SIRT3: variants seen among roughly 807,000 people sequenced by gnomAD.
SIRT3 encodes the protein NAD-dependent protein deacetylase sirtuin-3, mitochondrial.
SIRT3 carries 26 observed loss-of-function variants against 33.5 expected under a neutral mutation model. The ratio of observed to expected loss-of-function variants is 0.78; its 90% CI spans 0.57 to 1.08. The LOEUF is 1.08. Ranked by LOEUF, SIRT3 falls within the 50% of genes least tolerant of loss-of-function variation. The pLI, the probability that SIRT3 is intolerant of heterozygous loss-of-function variation, is 0.00. For synonymous variants in SIRT3, 237 were observed against 222.1 expected (o/e 1.07, Z -0.60); for missense variants, 585 against 530.1 (o/e 1.10, Z -1.02).
intron 6 of SIRT3, 143 bp from the exon 7 acceptor site, chr11:216,861 T>G (rs1423107730): frequency 1.1e-6 from 1 of 919,576 alleles, no homozygotes; most frequent in Non-Finnish European, 1.8e-6. Context: ...GCTGCTGCTG[T>G]GCTGGGCTAA....
At position 230,564 on chromosome 11, in the gene SIRT3, G is replaced by A. The variant is rs373436917; in HGVS notation, c.707-12C>T. The A allele has an allele frequency of 1.3e-6, 2 of 1,494,902 alleles. No individual in the cohort carries two copies. Among genetic ancestry groups the A allele is most frequent in the Non-Finnish European group, 1.8e-6 (2 of 1,122,064 alleles). The allele number at this position is 1,494,902 out of a possible 1,614,324, so 92.6% of individuals were successfully genotyped here. ...AGGGATGCCCGACACTGAAATTCAA[G>A]CCAAAGCGAAGTGTTGCTGCCGCCT... On this transcript the variant is annotated splice_polypyrimidine_tract_variant and intron_variant, in intron 3 of 6. Coordinates refer to ENST00000382743, the MANE Select transcript of SIRT3 (RefSeq NM_012239.6).
In SIRT3 at chr11:224,063, G is replaced by A. The variant is rs12222188; in HGVS notation, c.969+15C>T. On this transcript the variant is annotated intron_variant, in intron 5 of 6. Coordinates refer to ENST00000382743, the MANE Select transcript of SIRT3 (RefSeq NM_012239.6). The stretch of plus-strand genomic sequence containing the variant: ...TGCCCTCCAGCCTCCTCCCTGCACA[G>A]GCCTGCTGACAAACCTCCAGGGAGG... 74,346 of 1,602,992 alleles carry A rather than the reference G, an allele frequency of 0.046. 2,692 individuals are homozygous for A. Among genetic ancestry groups the A allele is most frequent in the East Asian group, 0.13 (5,694 of 44,650 alleles).
At chr11:228,230 T>C (rs149005192) in intron 4 of SIRT3, among the ~76,000 whole-genome samples, 2 of 148,708 alleles carry the variant, frequency 1.3e-5, no homozygotes, top group African/African-American at 4.8e-5. Context: ...TCTATTCACA[T>C]CCACAGAACC....
intron 4 of SIRT3, among the ~76,000 whole-genome samples, chr11:229,024 T>G (rs967087126): frequency 1.2e-4 from 18 of 152,212 alleles, no homozygotes; most frequent in African/African-American, 4.3e-4. Flanking sequence ...GGTTACCACC[T>G]CCCACCCACT....
In SIRT3 at chr11:224,107, G is replaced by C. The variant is rs1002218886; in HGVS notation, c.940C>G (p.Leu314Val). 1 of 1,614,086 alleles carries C rather than the reference G, an allele frequency of 6.2e-7. No individual in the cohort carries two copies. Among genetic ancestry groups the C allele is most frequent in the Non-Finnish European group, 8.5e-7 (1 of 1,180,054 alleles). The change falls in exon 5 of 7, where the codon CTG (leucine) becomes GTG (valine). Residue 314 changes from leucine to valine, a missense_variant. Physicochemically the swap from Leu to Val is conservative, Grantham distance 32. Coordinates refer to ENST00000382743, the MANE Select transcript of SIRT3 (RefSeq NM_012239.6). ...LHVVDFPMAD[L>V]LLILGTSLEV... ...AGGGAGGTCCCAAGGATGAGCAGCA[G>C]ATCTGCCATGGGGAAATCAACCACA...
chr11:236,473 C>CCCGCCTCCGCGT (rs1859178757), upstream of SIRT3: 2 of 374,578 alleles, frequency 5.3e-6, no homozygotes, highest in African/African-American at 4.6e-5. Flanking sequence ...CGCCTCCGCG[C>CCCGCCTCCGCGT]CCCGCCCCCG....
At chr11:234,833 T>C (rs1434141536) in intron 1 of SIRT3, among the ~76,000 whole-genome samples, 1 of 152,144 alleles carries the variant, frequency 6.6e-6, no homozygotes, top group East Asian at 1.9e-4. Context: ...TGGCACAGAA[T>C]AAGAGCTCAG....
chr11:223,624 C>T lies in SIRT3; in HGVS notation c.969+454G>A. ...CTCCACCTCGCCCCCACACCCCCAT[C>T]CTTCTCCCTTCTCCTCACACGTGGT... On this transcript the variant is annotated intron_variant, in intron 5 of 6. Transcript: ENST00000382743. The surrounding 1 kb of genome is among the most constrained non-coding windows in gnomAD (Gnocchi z 4.8). 2.2e-6 allele frequency: 1 copy of T among 448,408 alleles called. No individual in the cohort carries two copies. The highest frequency in any genetic ancestry group is 4.2e-6 in the Non-Finnish European group (1 of 237,216). 27.8% of individuals were successfully genotyped at this position (448,408 alleles called of 1,614,324 possible).
upstream of SIRT3, chr11:236,877 G>T (rs1483162013): frequency 1.3e-5 from 8 of 627,794 alleles, no homozygotes; most frequent in Non-Finnish European, 2.3e-5. Context: ...TTTGTCCGGA[G>T]CGCAGAGACG....
At chr11:236,898 G>A (rs969964830), upstream of SIRT3, 9 of 675,358 alleles carry the variant, frequency 1.3e-5, no homozygotes, top group Non-Finnish European at 2.1e-5. Context: ...CGCTGTAACC[G>A]AGCAACCAGC....
intron 3 of SIRT3, 143 bp from the exon 4 acceptor site, chr11:230,695 T>C (rs1857830592): frequency 2.3e-6 from 1 of 430,334 alleles, no homozygotes; most frequent in South Asian, 8.0e-5. Context: ...CTGGTTTTCA[T>C]GCCCGTATCA....
intron 4 of SIRT3, 122 bp downstream of exon 4, chr11:230,330 A>C: frequency 2.1e-6 from 1 of 475,388 alleles, no homozygotes; most frequent in Non-Finnish European, 3.6e-6. Flanking sequence ...TAATTTACAA[A>C]TAAAATGTTT....
At chr11:224,307 G>A (rs1856861832) in intron 4 of SIRT3, 68 bp from the exon 5 acceptor site, 1 of 1,507,496 alleles carries the variant, frequency 6.6e-7, no homozygotes, top group African/African-American at 1.4e-5. Flanking sequence ...AAGGCAACAA[G>A]TTCTTATTAA....
In SIRT3 at chr11:223,490, C is replaced by G. The variant is rs1410041009; in HGVS notation, c.969+588G>C. On this transcript the variant is annotated intron_variant, in intron 5 of 6. Transcript: ENST00000382743. This position sits in a 1 kb window ranked among gnomAD's most constrained non-coding sequence, Gnocchi z 4.8. ...TGCTCCACTCTCCACTCCCCAAAGG[C>G]CTCCCTGACCCCAAGGGTGCAGCTA... 1 of 316,302 alleles carries G rather than the reference C, an allele frequency of 3.2e-6. No homozygotes were observed. Among genetic ancestry groups the G allele is most frequent in the African/African-American group, 2.2e-5 (1 of 46,282 alleles). The allele number at this position is 316,302 out of a possible 1,614,324, so 19.6% of individuals were successfully genotyped here.
chr11:236,734 G>A, upstream of SIRT3: 1 of 452,562 alleles, frequency 2.2e-6, no homozygotes, highest in Non-Finnish European at 4.0e-6. Context: ...CATTTGACAG[G>A]AGCAATTCCG....
chr11:233,464 T>C lies in SIRT3; in HGVS notation c.352A>G (p.Ser118Gly). The C allele has an allele frequency of 1.2e-6, 2 of 1,614,082 alleles. No individual in the cohort carries two copies. The highest frequency in any genetic ancestry group is 4.5e-5 in the East Asian group (2 of 44,874). ...TGCAGGGAAAGCTTCCCCTTGTCAC[T>C]GCTGCCTCCACTTCCAACAACACTT... ...ASSVVGSGGS[S>G]DKGKLSLQDV... Residue 118 changes from serine to glycine, a missense_variant, in exon 2 of 7, where the codon AGT becomes GGT. Transcript: ENST00000382743.
At chr11:235,386 G>C (rs1379329339) in intron 1 of SIRT3, among the ~76,000 whole-genome samples, 1 of 151,982 alleles carries the variant, frequency 6.6e-6, no homozygotes, top group Non-Finnish European at 1.5e-5. Flanking sequence ...TTAAATTTTT[G>C]GTAGAGATGG....
At position 235,408 on chromosome 11, in the gene SIRT3, T is replaced by C. The variant is rs1858853907; in HGVS notation, c.281+640A>G. Among the ~76,000 whole-genome samples, 7 of 152,200 alleles carry C rather than the reference T, an allele frequency of 4.6e-5. No homozygotes were observed. The South Asian group carries it at 1.4e-3, about 31-fold the overall frequency. On this transcript the variant is annotated intron_variant, in intron 1 of 6. Transcript: ENST00000382743. ...TTTGGTAGAGATGGGGGTCTCGTTA[T>C]GTTGCCCAGGCTGCTCTTGAACTCC...
Position 216,605 on chromosome 11 carries a change from C to T in SIRT3, c.*93G>A, listed in dbSNP as rs1016634826. The T allele has an allele frequency of 4.1e-6, 6 of 1,470,084 alleles. No homozygotes were observed. Among genetic ancestry groups the T allele is most frequent in the Non-Finnish European group, 5.7e-6 (6 of 1,052,552 alleles). 91.1% of individuals were successfully genotyped at this position (1,470,084 alleles called of 1,614,324 possible). On this transcript the variant is annotated 3_prime_UTR_variant, in exon 7 of 7. Transcript: ENST00000382743. ...CTCAGTTCACATATTCTGGTTTCAC[C>T]TGCCCAAGCTGTCTTCAGGCATGAG...
Sources: allele counts gnomAD v4.1 joint callset (sites outside exome capture counted in the v4.1 genomes callset), GRCh38; gene constraint gnomAD v4.1.1; non-coding constraint Gnocchi (gnomAD v3.1); transcripts MANE v1.5; gene names NCBI Gene and HGNC (gene_info 2026-07-23, HGNC 2026-07-21).